Variants in ARAP3 observed in about 807,000 individuals in gnomAD.
ARAP3 encodes arf-GAP with Rho-GAP domain, ANK repeat and PH domain-containing protein 3.
ARAP3 carries 82 observed loss-of-function variants against 169.2 expected under a neutral mutation model. The ratio of observed to expected loss-of-function variants is 0.48; its 90% confidence interval spans 0.41 to 0.58. ARAP3 has a LOEUF of 0.58. Among genes scored for constraint, ARAP3 ranks in the 20% least tolerant of loss-of-function variants. ARAP3 has a pLI of 0.00. For synonymous variants in ARAP3, 791 were observed against 800.3 expected, an observed-to-expected ratio of 0.99 and a Z score of 0.20; for missense variants, 1,764 against 2,018.0, an observed-to-expected ratio of 0.87 and a Z score of 2.41.
chr5:141,676,380 G>A (rs866209482), intron 4 of ARAP3, among the ~76,000 whole-genome samples: 2 of 152,148 alleles, frequency 1.3e-5, no homozygotes, highest in Non-Finnish European at 2.9e-5. Context: ...TCTTGACTCA[G>A]CTTCCTCTAG....
At chr5:141,665,517 T>C (rs1257422788) in intron 17 of ARAP3, 143 bp from the exon 18 acceptor site, 2 of 786,566 alleles carry the variant, frequency 2.5e-6, no homozygotes, top group African/African-American at 3.5e-5. Context: ...TATGTACTAT[T>C]ATTCCCATTT....
intron 27 of ARAP3, 108 bp from the exon 28 acceptor site, chr5:141,656,384 CG>C (rs2099909277): frequency 6.3e-7 from 1 of 1,595,392 alleles, no homozygotes; most frequent in African/African-American, 1.3e-5. Flanking sequence ...TCACAGAAGT[CG>C]GGGGCAGGGA....
chr5:141,659,862 T>C lies in ARAP3; in HGVS notation c.3184A>G (p.Ser1062Gly). Reference protein sequence around the residue: ...TRNLALLFAPSVFQTDGRGEH... With the variant: ...TRNLALLFAPGVFQTDGRGEH... ...CCTCGCCCATCCGTCTGGAACACGC[T>C]GGGTGCAAACAGCAGAGCCAAGTTC... The change falls in exon 22 of 33, where the codon AGC becomes GGC. Residue 1062 changes from serine (S) to glycine (G), a missense_variant. Ser to Gly is a moderately conservative substitution (Grantham distance 56, BLOSUM62 0). Transcript: ENST00000239440. The C allele has an allele frequency of 6.2e-7, 1 of 1,601,820 alleles. No individual in the cohort carries two copies.
rs2099912792 is a variant in ARAP3, at chr5:141,680,342, T to C, written c.145A>G (p.Ile49Val). The change falls in exon 2 of 33, where the codon ATC (isoleucine) becomes GTC (valine). Residue 49 changes from isoleucine to valine, a missense_variant. Physicochemically the swap from Ile to Val is conservative, Grantham distance 29. This residue lies in a region of ARAP3 where 630 missense variants were observed against 678.7 expected (regional missense o/e 0.93). Transcript: ENST00000239440. Reference sequence around the variant, plus strand: ...CGTTTCCGGTGCCCTGTGGCGCTGATGCCCAACTGCTTCAACTCCTCGTGG... The same window carrying C: ...CGTTTCCGGTGCCCTGTGGCGCTGACGCCCAACTGCTTCAACTCCTCGTGG... The part of the protein sequence containing the change: ...LGHEELKQLG[I>V]SATGHRKRIL... The C allele has an allele frequency of 6.2e-7, 1 of 1,614,224 alleles. No individual in the cohort carries two copies. The highest frequency in any genetic ancestry group is 8.5e-7 in the Non-Finnish European group (1 of 1,180,034).
intron 25 of ARAP3, 77 bp downstream of exon 25, chr5:141,658,288 G>A (rs1298232247): frequency 1.4e-6 from 2 of 1,430,796 alleles, no homozygotes; most frequent in Admixed American, 1.9e-5. Context: ...GTAACATGAA[G>A]TCACTGATGA....
At position 141,680,514 on chromosome 5, in the gene ARAP3, G is replaced by A. The variant is rs1355876801; in HGVS notation, c.-17-11C>T. The stretch of plus-strand genomic sequence containing the variant: ...GGGCTCAGGCCATTGCTGGGGGGAG[G>A]GGCAGGGTGAAGGGAGGGCTCAGGC... On this transcript the variant is annotated splice_polypyrimidine_tract_variant and intron_variant, in intron 1 of 32. Coordinates refer to ENST00000239440, the MANE Select transcript of ARAP3 (RefSeq NM_022481.6). 11 of 1,561,836 alleles carry A rather than the reference G, an allele frequency of 7.0e-6. No individual in the cohort carries two copies. The highest frequency in any genetic ancestry group is 3.4e-4 in the Middle Eastern group (2 of 5,834).
intron 4 of ARAP3, among the ~76,000 whole-genome samples, chr5:141,677,688 G>A (rs1269361120): frequency 6.6e-6 from 1 of 152,084 alleles, no homozygotes; most frequent in Non-Finnish European, 1.5e-5. Context: ...ACCCCTCAAT[G>A]GCTTCCCATT....
At chr5:141,677,736 C>A (rs1321206025) in intron 4 of ARAP3, among the ~76,000 whole-genome samples, 1 of 148,032 alleles carries the variant, frequency 6.8e-6, no homozygotes, top group Non-Finnish European at 1.5e-5. Context: ...TATCTGGCCC[C>A]TTGTTTTTGT....
At chr5:141,659,542 C>A in intron 22 of ARAP3, 66 bp from the exon 23 acceptor site, 1 of 1,539,514 alleles carries the variant, frequency 6.5e-7, no homozygotes, top group South Asian at 1.1e-5. Context: ...ATCTCAAGGC[C>A]AAGGAGGACC....
intron 21 of ARAP3, among the ~76,000 whole-genome samples, chr5:141,661,067 CT>C (rs562593165): frequency 3.5e-3 from 470 of 132,624 alleles, no homozygotes; most frequent in African/African-American, 6.7e-3. Context: ...TTTCTTTTTT[CT>C]TTTTTTTTTT....
At chr5:141,659,737 T>A (rs745878422) in intron 22 of ARAP3, 42 bp downstream of exon 22, 1 of 1,586,954 alleles carries the variant, frequency 6.3e-7, no homozygotes, top group Admixed American at 1.7e-5. Flanking sequence ...CCTGCAAGGG[T>A]AGGGGAAAGG....
Position 141,656,773 on chromosome 5 carries a change from T to C in ARAP3, c.3600A>G (p.Ser1200=), listed in dbSNP as rs1485329074. ...LQWCQLPEPC[S]ASLLLKKVPL... is the part of the protein sequence containing the mutation. ...GGACTTTTTTCAAGAGCAGGGAAGCTGAGCAGGGCTCTGGGAGCTGGCACC... is the reference window on the plus strand; with the variant it reads ...GGACTTTTTTCAAGAGCAGGGAAGCCGAGCAGGGCTCTGGGAGCTGGCACC... The change falls in exon 26 of 33, where the codon TCA becomes TCG. Residue 1200 remains serine, a synonymous_variant. Transcript: ENST00000239440. 2 of 1,612,166 alleles carry C rather than the reference T, an allele frequency of 1.2e-6. No homozygotes were observed. The highest frequency in any genetic ancestry group is 8.5e-7 in the Non-Finnish European group (1 of 1,179,140).
chr5:141,680,101 G>A lies in ARAP3; in HGVS notation c.386C>T (p.Pro129Leu), dbSNP rs1210768844. ...AGGAGGAGGCCTTGGGCTGGGCTCTGGGCTCCTGGACACTCCTGGTCCCCC... is the reference window on the plus strand; with the variant it reads ...AGGAGGAGGCCTTGGGCTGGGCTCTAGGCTCCTGGACACTCCTGGTCCCCC... ...ALGGPGVSRS[P>L]EPSPRPPPLP... The change falls in exon 2 of 33, where the codon CCA (proline) becomes CTA (leucine). Residue 129 changes from proline (P) to leucine (L), a missense_variant. By Grantham distance (98) the Pro-to-Leu change is moderately conservative (BLOSUM62 -3). Around this residue, in one of 3 missense-constraint regions of ARAP3, gnomAD observed 630 missense variants for 678.7 expected, o/e 0.93. Coordinates refer to ENST00000239440, the MANE Select transcript of ARAP3 (RefSeq NM_022481.6). 7 of 1,613,340 alleles carry A rather than the reference G, an allele frequency of 4.3e-6. 1 individual carries two copies. Among genetic ancestry groups the A allele is most frequent in the African/African-American group, 4.0e-5 (3 of 74,910 alleles).
chr5:141,659,752 G>A (rs1562406046), intron 22 of ARAP3, 27 bp downstream of exon 22: 1 of 1,599,054 alleles, frequency 6.3e-7, no homozygotes, highest in Non-Finnish European at 8.6e-7. Flanking sequence ...GAAAGGGGTT[G>A]TGGGTTAGGG....
Position 141,672,281 on chromosome 5 carries a change from C to CCA in ARAP3, c.1405_1406insTG (p.Gly469ValfsTer15). On this transcript the variant is annotated frameshift_variant, in exon 10 of 33. Transcript: ENST00000239440. LOFTEE classifies it high-confidence loss of function. This position sits in a 1 kb window ranked among gnomAD's most constrained non-coding sequence, Gnocchi z 4.9. ...AGCGGCCGCCCAGCTCTGCCGAGCA[C>CCA]CCCCAGACTCGGCTGTGAAGCTGAG... The CCA allele has an allele frequency of 6.2e-7, 1 of 1,614,176 alleles. No individual in the cohort carries two copies. Among genetic ancestry groups the CCA allele is most frequent in the Admixed American group, 1.7e-5 (1 of 60,018 alleles).
chr5:141,653,855 G>A lies in ARAP3; in HGVS notation c.*95C>T. 1 of 1,477,822 alleles carries A rather than the reference G, an allele frequency of 6.8e-7. No homozygotes were observed. Among genetic ancestry groups the A allele is most frequent in the Non-Finnish European group, 9.0e-7 (1 of 1,108,262 alleles). The allele number at this position is 1,477,822 out of a possible 1,614,324, so 91.5% of individuals were successfully genotyped here. A position where few individuals can be genotyped will look rare whatever the true frequency, so the allele number is the denominator to read the frequency against. On this transcript the variant is annotated 3_prime_UTR_variant, in exon 33 of 33. Transcript: ENST00000239440. ...CCACAGCACCACACTGGATTCTGGA[G>A]TCTTTCCAGCCAGGGCAGAGGAAGC... is the stretch of plus-strand genomic sequence containing the variant.
In ARAP3 at chr5:141,672,071, T is replaced by C. The variant is rs761940331; in HGVS notation, c.1585+31A>G. On this transcript the variant is annotated intron_variant, in intron 10 of 32. Coordinates refer to ENST00000239440, the MANE Select transcript of ARAP3 (RefSeq NM_022481.6). This position sits in a 1 kb window ranked among gnomAD's most constrained non-coding sequence, Gnocchi z 4.9. Reference sequence around the variant, plus strand: ...GAGCCCTCTAGTCCCAGCCCTCCTGTTCCCCACATGGGCTTGAGGCCATTC... The same window carrying C: ...GAGCCCTCTAGTCCCAGCCCTCCTGCTCCCCACATGGGCTTGAGGCCATTC... 4 of 1,614,014 alleles carry C rather than the reference T, an allele frequency of 2.5e-6. No individual in the cohort carries two copies. Among genetic ancestry groups the C allele is most frequent in the Non-Finnish European group, 3.4e-6 (4 of 1,179,922 alleles).
chr5:141,655,320 C>A, intron 32 of ARAP3, 42 bp downstream of exon 32: 1 of 1,559,928 alleles, frequency 6.4e-7, no homozygotes, highest in South Asian at 1.2e-5. Flanking sequence ...CAGAGGAATA[C>A]AGGGTTGACA....
chr5:141,660,869 G>A (rs1343970529), intron 21 of ARAP3, among the ~76,000 whole-genome samples: 1 of 151,998 alleles, frequency 6.6e-6, no homozygotes. Context: ...GATTGGTAAA[G>A]GTAGATGTGC....
Sources: gnomAD v4.1 joint callset for allele counts (sites outside exome capture counted in the v4.1 genomes callset) on GRCh38, gnomAD v4.1.1 for gene constraint, gnomAD v4.1.1 regional missense constraint, Gnocchi (gnomAD v3.1) non-coding constraint, MANE v1.5 for transcripts, NCBI Gene and HGNC (gene_info 2026-07-23, HGNC 2026-07-21) for gene names.